Variants in SMURF2 observed in about 807,000 individuals in gnomAD.
SMURF2 encodes SMAD specific E3 ubiquitin protein ligase 2.
In SMURF2, 48 loss-of-function variants were observed where a neutral mutation model predicts 109.6. The ratio of observed to expected loss-of-function variants is 0.44; its 90% CI spans 0.35 to 0.56. SMURF2 has a LOEUF of 0.56. SMURF2 is among the 20% of genes least tolerant of loss of function. The pLI is 0.01. For missense variants in SMURF2, 575 were observed against 909.0 expected (o/e 0.63, Z 4.72); for synonymous variants, 288 against 317.1 (o/e 0.91, Z 0.97).
intron 1 of SMURF2, among the ~76,000 whole-genome samples, chr17:64,649,712 T>C (rs927786110): frequency 5.3e-5 from 8 of 151,864 alleles, no homozygotes; most frequent in Non-Finnish European, 1.2e-4. Flanking sequence ...GGCATGGTGG[T>C]GCGTGCCTGT....
intron 1 of SMURF2, among the ~76,000 whole-genome samples, chr17:64,630,621 CA>C (rs1224368955): frequency 6.6e-6 from 1 of 152,132 alleles, no homozygotes; most frequent in African/African-American, 2.4e-5. Context: ...GGCAAGGGGA[CA>C]AATGACAGTC....
intron 1 of SMURF2, among the ~76,000 whole-genome samples, chr17:64,614,882 A>G (rs16947920): frequency 0.05 from 7,669 of 152,274 alleles, 320 homozygotes; most frequent in Admixed American, 0.14. Flanking sequence ...AATGCCTTTT[A>G]TTGTTGTTTT....
intron 10 of SMURF2, among the ~76,000 whole-genome samples, chr17:64,569,686 C>A (rs1266533186): frequency 2.0e-5 from 3 of 152,194 alleles, no homozygotes; most frequent in African/African-American, 4.8e-5. Flanking sequence ...TGAAGTCCAA[C>A]AACAGCAAGT....
intron 12 of SMURF2, among the ~76,000 whole-genome samples, chr17:64,560,640 G>T (rs1969199716): frequency 6.6e-6 from 1 of 152,016 alleles, no homozygotes; most frequent in Non-Finnish European, 1.5e-5. Flanking sequence ...ACATAGAAAA[G>T]AATTCTTGTA....
At chr17:64,600,333 G>A (rs1217261666) in intron 2 of SMURF2, among the ~76,000 whole-genome samples, 8 of 152,106 alleles carry the variant, frequency 5.3e-5, no homozygotes, top group African/African-American at 1.9e-4. Context: ...TTTAAAAGGT[G>A]GAACTAAAAA....
Position 64,647,610 on chromosome 17 carries a change from G to T in SMURF2, c.52+14219C>A, listed in dbSNP as rs1204781425. On this transcript the variant is annotated intron_variant, in intron 1 of 18. Transcript: ENST00000262435. ...GAAGGCAAATCGCTTGAACCCAGGA[G>T]GGGGAGGTTGCGGTGAGCCGAGATC... is the stretch of plus-strand genomic sequence containing the variant. Among the ~76,000 whole-genome samples the T allele has an allele frequency of 2.0e-5, 3 of 151,912 alleles. No homozygotes were observed. In the East Asian group the frequency reaches 5.8e-4, roughly 29 times the overall value.
At chr17:64,594,379 A>G (rs1969789334) in intron 3 of SMURF2, among the ~76,000 whole-genome samples, 1 of 152,326 alleles carries the variant, frequency 6.6e-6, no homozygotes, top group Admixed American at 6.5e-5. Flanking sequence ...CATTTAAGTA[A>G]GGACTAAAGC....
intron 1 of SMURF2, among the ~76,000 whole-genome samples, chr17:64,638,622 T>C (rs1970453599): frequency 6.6e-6 from 1 of 152,264 alleles, no homozygotes; most frequent in Non-Finnish European, 1.5e-5. Flanking sequence ...GTCTCTTTCA[T>C]TAAAGCTACA....
chr17:64,656,588 A>G (rs1598320430), intron 1 of SMURF2, among the ~76,000 whole-genome samples: 1 of 152,172 alleles, frequency 6.6e-6, no homozygotes, highest in African/African-American at 2.4e-5. Context: ...AGGAAAAATT[A>G]CTCATGAAAC....
At chr17:64,592,994 A>C (rs1470806840) in intron 4 of SMURF2, 1 of 152,238 alleles carries the variant, frequency 6.6e-6, no homozygotes, top group Non-Finnish European at 1.5e-5. Context: ...TTTAACTGCC[A>C]GCTTAAATAC....
At chr17:64,552,025 A>G (rs1555683668) in intron 15 of SMURF2, among the ~76,000 whole-genome samples, 2 of 152,210 alleles carry the variant, frequency 1.3e-5, no homozygotes. Flanking sequence ...CTTACAGCAT[A>G]CATGCCAATA....
chr17:64,585,203 G>T (rs377764020), intron 6 of SMURF2, among the ~76,000 whole-genome samples: 12 of 152,264 alleles, frequency 7.9e-5, no homozygotes, highest in African/African-American at 2.9e-4. Context: ...TCAGAAAAGA[G>T]TTAGAACTAG....
intron 6 of SMURF2, 125 bp downstream of exon 6, chr17:64,585,961 G>A (rs1167078511): frequency 2.0e-6 from 1 of 502,426 alleles, no homozygotes; most frequent in Non-Finnish European, 3.3e-6. Context: ...TTTACAATTA[G>A]AAGGAAAATC....
At chr17:64,571,092 T>C (rs1160450659) in intron 10 of SMURF2, among the ~76,000 whole-genome samples, 3 of 152,182 alleles carry the variant, frequency 2.0e-5, no homozygotes, top group South Asian at 4.1e-4. Flanking sequence ...TACCAACATA[T>C]GTAAAGTATA....
At position 64,554,891 on chromosome 17, in the gene SMURF2, G is replaced by A. The variant is rs1555683904; in HGVS notation, c.1713C>T (p.Ile571=). 1.2e-6 allele frequency: 2 copies of A among 1,613,336 alleles called. No individual in the cohort carries two copies. Among genetic ancestry groups the A allele is most frequent in the Admixed American group, 3.3e-5 (2 of 59,958 alleles). The change falls in exon 15 of 19, where the codon ATC becomes ATT. Residue 571 remains isoleucine (I), a synonymous_variant. Transcript: ENST00000262435. ...QHELKPNGKS[I]PVNEENKKEY... is the part of the protein sequence containing the mutation. Reference sequence around the variant, plus strand: ...CTTTTTTATTTTCTTCATTAACAGGGATACTTTTGCCATTTGGTTTAAGTT... The same window carrying A: ...CTTTTTTATTTTCTTCATTAACAGGAATACTTTTGCCATTTGGTTTAAGTT...
At chr17:64,638,397 C>T (rs562089225) in intron 1 of SMURF2, among the ~76,000 whole-genome samples, 11 of 152,100 alleles carry the variant, frequency 7.2e-5, no homozygotes, top group South Asian at 6.2e-4. Flanking sequence ...GACAGTGTTT[C>T]GTCATGTTGG....
chr17:64,634,688 T>C (rs74846906), intron 1 of SMURF2, among the ~76,000 whole-genome samples: 4,244 of 152,332 alleles, frequency 0.028, 193 homozygotes, highest in African/African-American at 0.096. Flanking sequence ...AGATTTATGC[T>C]GTTTTCATTC....
At chr17:64,650,670 A>T (rs1970624535) in intron 1 of SMURF2, among the ~76,000 whole-genome samples, 1 of 151,656 alleles carries the variant, frequency 6.6e-6, no homozygotes, top group African/African-American at 2.4e-5. Flanking sequence ...ATGCCTACTA[A>T]AAATACAAAA....
intron 2 of SMURF2, among the ~76,000 whole-genome samples, chr17:64,605,190 C>T (rs1555688919): frequency 6.6e-6 from 1 of 152,050 alleles, no homozygotes. Flanking sequence ...GCCATTGGGA[C>T]CTTCCACTGT....
Sources: allele counts gnomAD v4.1 joint callset (sites outside exome capture counted in the v4.1 genomes callset), GRCh38; gene constraint gnomAD v4.1.1; transcripts MANE v1.5; gene names NCBI Gene and HGNC (gene_info 2026-07-23, HGNC 2026-07-21).